The following MYOCD variants were observed in gnomAD, a reference collection of about 807,000 sequenced individuals.
MYOCD encodes the protein myocardin.
MYOCD carries 32 observed loss-of-function variants against 96.1 expected under a neutral mutation model. The ratio of observed to expected loss-of-function variants is 0.33; its 90% CI spans 0.25 to 0.45. The LOEUF (loss-of-function observed/expected upper bound fraction) is 0.45, where lower values mean the gene tolerates loss of function less well. MYOCD is among the 20% of genes least tolerant of loss of function. The pLI, the probability that MYOCD is intolerant of heterozygous loss-of-function variation, is 1.00. For missense variants in MYOCD, 1,133 were observed against 1,200.6 expected (o/e 0.94, Z 0.83); for synonymous variants, 469 against 469.0 (o/e 1.00, Z 0.00).
At chr17:12,761,469 G>T (rs2033168689) in intron 13 of MYOCD, 1 of 152,174 alleles carries the variant, frequency 6.6e-6, no homozygotes, top group Admixed American at 6.6e-5. Flanking sequence ...CAGACAACAA[G>T]CAAGTGAACA....
chr17:12,738,460 AACAC>A (rs954185873), intron 6 of MYOCD, among the ~76,000 whole-genome samples: 6 of 151,912 alleles, frequency 3.9e-5, no homozygotes, highest in Non-Finnish European at 5.9e-5. Context: ...CGCACACACA[AACAC>A]ACACACAGAC....
intron 1 of MYOCD, among the ~76,000 whole-genome samples, chr17:12,695,170 A>G (rs1435400381): frequency 2.6e-5 from 4 of 152,150 alleles, no homozygotes; most frequent in Non-Finnish European, 5.9e-5. Flanking sequence ...TATAAGCCAC[A>G]ATAAATTTAT....
chr17:12,703,404 GT>G (rs1567579222), intron 1 of MYOCD, among the ~76,000 whole-genome samples: 1 of 151,880 alleles, frequency 6.6e-6, no homozygotes, highest in Non-Finnish European at 1.5e-5. Flanking sequence ...ACTTCAGGAA[GT>G]TTTTGTGATT....
rs771526002 is a variant in MYOCD, at chr17:12,763,361, A to G, written c.2678A>G (p.Lys893Arg). The G allele has an allele frequency of 3.4e-5, 54 of 1,597,450 alleles. No homozygotes were observed. Among genetic ancestry groups the G allele is most frequent in the Non-Finnish European group, 4.5e-5 (53 of 1,171,960 alleles). ...FDGIMDGFSG[K>R]AAEDLFNAHE... ...GGGATAATGGATGGATTCTCTGGGA[A>G]GGCTGCAGAAGACCTCTTCAATGCA... Residue 893 changes from lysine (K) to arginine (R), a missense_variant, in exon 14 of 14, where the codon AAG becomes AGG. Physicochemically the swap from Lys to Arg is conservative, Grantham distance 26. Transcript: ENST00000425538.
Position 12,666,232 on chromosome 17 carries a change from A to C in MYOCD, c.44A>C (p.Lys15Thr). The change falls in exon 1 of 14, where the codon AAG becomes ACG. Residue 15 changes from lysine to threonine, a missense_variant. Physicochemically the swap from Lys to Thr is moderately conservative, Grantham distance 78 (BLOSUM62 -1). Transcript: ENST00000425538. ...GSEHSLLIRS[K>T]FRSVLQLRLQ... ...GAGCATTCCTTGCTGATTAGGAGCAAGTTCAGATCAGGTAGGGCTAAGGCA... is the reference window on the plus strand; with the variant it reads ...GAGCATTCCTTGCTGATTAGGAGCACGTTCAGATCAGGTAGGGCTAAGGCA... 1.2e-6 allele frequency: 2 copies of C among 1,612,426 alleles called. No homozygotes were observed. Among genetic ancestry groups the C allele is most frequent in the Non-Finnish European group, 1.7e-6 (2 of 1,178,448 alleles).
intron 1 of MYOCD, among the ~76,000 whole-genome samples, chr17:12,675,418 T>A (rs1317903090): frequency 6.6e-6 from 1 of 152,182 alleles, no homozygotes; most frequent in Non-Finnish European, 1.5e-5. Context: ...ATATTCACAG[T>A]ATAGAATACA....
At chr17:12,694,851 G>A (rs1022658673) in intron 1 of MYOCD, among the ~76,000 whole-genome samples, 2 of 138,032 alleles carry the variant, frequency 1.4e-5, no homozygotes, top group South Asian at 2.2e-4. Context: ...CTTCAATAAT[G>A]GCCAATGGTT....
Position 12,752,842 on chromosome 17 carries a change from C to G in MYOCD, c.1554C>G (p.Asp518Glu), listed in dbSNP as rs139953402. Residue 518 changes from aspartate (D) to glutamate (E), a missense_variant, in exon 10 of 14, where the codon GAC becomes GAG. By Grantham distance (45) the Asp-to-Glu change is conservative. Coordinates refer to ENST00000425538, the MANE Select transcript of MYOCD (RefSeq NM_001146312.3). ...SELDGLDSEKDKMLVEKQKVI... is the reference protein window; with the variant it reads ...SELDGLDSEKEKMLVEKQKVI... Reference sequence around the variant, plus strand: ...TGGATGGGCTGGACTCCGAGAAGGACAAGATGCTGGTGGAGAAGCAGAAGG... The same window carrying G: ...TGGATGGGCTGGACTCCGAGAAGGAGAAGATGCTGGTGGAGAAGCAGAAGG... The G allele has an allele frequency of 3.5e-5, 56 of 1,613,946 alleles. No individual in the cohort carries two copies. Among genetic ancestry groups the G allele is most frequent in the Non-Finnish European group, 4.7e-5 (56 of 1,180,002 alleles).
intron 1 of MYOCD, 152 bp from the exon 2 acceptor site, chr17:12,704,976 C>T: frequency 1.6e-6 from 1 of 608,532 alleles, no homozygotes. Context: ...CTTCTTCTTC[C>T]ACTGTGTCTA....
intron 7 of MYOCD, among the ~76,000 whole-genome samples, chr17:12,741,731 T>A (rs1289642353): frequency 6.6e-6 from 1 of 150,494 alleles, no homozygotes; most frequent in Non-Finnish European, 1.5e-5. Context: ...AAAAAAAAAA[T>A]TAGCAAAGCC....
chr17:12,767,776 C>T lies in MYOCD; in HGVS notation c.*4132C>T, dbSNP rs2033379431. On this transcript the variant is annotated 3_prime_UTR_variant, in exon 14 of 14. Coordinates refer to ENST00000425538, the MANE Select transcript of MYOCD (RefSeq NM_001146312.3). ...AATATCTCCCATCATTTAAAACATC[C>T]ACGAGAGTTTGAAGATTTGTGTTGA... 1 of 152,088 alleles carries T rather than the reference C, an allele frequency of 6.6e-6. No homozygotes were observed. The highest frequency in any genetic ancestry group is 2.1e-4 in the South Asian group (1 of 4,834). The allele number at this position is 152,088 out of a possible 1,614,324, so 9.4% of individuals were successfully genotyped here. A position where few individuals can be genotyped will look rare whatever the true frequency, so the allele number is the denominator to read the frequency against.
chr17:12,735,429 G>A (rs1367439152), intron 5 of MYOCD, among the ~76,000 whole-genome samples: 1 of 152,030 alleles, frequency 6.6e-6, no homozygotes, highest in South Asian at 2.1e-4. Context: ...CCATGCAGGC[G>A]GCAGAGGAAG....
chr17:12,699,270 A>G (rs1212135061), intron 1 of MYOCD, among the ~76,000 whole-genome samples: 1 of 152,002 alleles, frequency 6.6e-6, no homozygotes, highest in African/African-American at 2.4e-5. Flanking sequence ...GATCACAGAC[A>G]TGCACCACCA....
chr17:12,702,573 A>G (rs967207601), intron 1 of MYOCD, among the ~76,000 whole-genome samples: 9 of 151,862 alleles, frequency 5.9e-5, no homozygotes, highest in African/African-American at 2.2e-4. Flanking sequence ...ATTTGGATCT[A>G]CCATTATATT....
intron 5 of MYOCD, among the ~76,000 whole-genome samples, chr17:12,730,679 T>A (rs1275943875): frequency 6.6e-6 from 1 of 152,194 alleles, no homozygotes; most frequent in East Asian, 1.9e-4. Flanking sequence ...AAACTATAGC[T>A]ACCTTTCTGT....
intron 3 of MYOCD, among the ~76,000 whole-genome samples, chr17:12,716,522 C>T (rs1258291569): frequency 6.6e-6 from 1 of 152,176 alleles, no homozygotes; most frequent in Non-Finnish European, 1.5e-5. Context: ...TCTCTTCATG[C>T]CCATCCAGTT....
chr17:12,742,910 C>T (rs1373997858), intron 7 of MYOCD, among the ~76,000 whole-genome samples: 1 of 152,016 alleles, frequency 6.6e-6, no homozygotes, highest in Non-Finnish European at 1.5e-5. Context: ...CAGGATGGAC[C>T]CATTCCTTCC....
intron 4 of MYOCD, among the ~76,000 whole-genome samples, chr17:12,720,799 G>A (rs1041739809): frequency 6.6e-5 from 10 of 152,036 alleles, no homozygotes; most frequent in Admixed American, 6.5e-4. Flanking sequence ...GAGGCGGGCG[G>A]ATCATAAGGT....
Position 12,766,857 on chromosome 17 carries a change from C to T in MYOCD, c.*3213C>T, listed in dbSNP as rs78387129. 6 of 152,198 alleles carry T rather than the reference C, an allele frequency of 3.9e-5. No individual in the cohort carries two copies. The East Asian group carries it at 5.8e-4, about 15-fold the overall frequency. 9.4% of individuals were successfully genotyped at this position (152,198 alleles called of 1,614,324 possible). A position where few individuals can be genotyped will look rare whatever the true frequency, so the allele number is the denominator to read the frequency against. ...ATCTAAAGAAGTCAAAAAATTTATTCGTGCAAGTGCTTGCAGGAAGCCAGT... is the reference window on the plus strand; with the variant it reads ...ATCTAAAGAAGTCAAAAAATTTATTTGTGCAAGTGCTTGCAGGAAGCCAGT... On this transcript the variant is annotated 3_prime_UTR_variant, in exon 14 of 14. Transcript: ENST00000425538.
Sources: gnomAD v4.1 joint callset for allele counts (sites outside exome capture counted in the v4.1 genomes callset) on GRCh38, gnomAD v4.1.1 for gene constraint, MANE v1.5 for transcripts, NCBI Gene and HGNC (gene_info 2026-07-23, HGNC 2026-07-21) for gene names.